Variants in IL1RAPL2 observed in about 807,000 individuals in gnomAD.
The protein encoded by IL1RAPL2 is interleukin 1 receptor accessory protein like 2.
IL1RAPL2 carries 3 observed loss-of-function variants against 44.1 expected under a neutral mutation model. That is an observed-to-expected ratio of 0.07 (90% CI 0.03 to 0.18). IL1RAPL2 has a LOEUF of 0.18. IL1RAPL2 is among the 10% of genes least tolerant of loss of function. IL1RAPL2 has a pLI of 1.00. For synonymous variants in IL1RAPL2, 181 were observed against 178.8 expected (o/e 1.01, Z -0.10); for missense variants, 391 against 496.4 (o/e 0.79, Z 2.02).
At chrX:104,949,912 A>T (rs1378753516) in intron 2 of IL1RAPL2, among the ~76,000 whole-genome samples, 2 of 110,296 alleles carry the variant, frequency 1.8e-5, no homozygotes, top group African/African-American at 6.6e-5. Context: ...TGGGGTGGAG[A>T]GTTCTGTAGA....
chrX:104,964,277 G>C (rs903166695), intron 2 of IL1RAPL2, among the ~76,000 whole-genome samples: 12 of 91,567 alleles, frequency 1.3e-4, no homozygotes, highest in Non-Finnish European at 2.4e-4. Flanking sequence ...CATTGTGCCA[G>C]GGATTTATTT....
chrX:104,822,562 T>C (rs1197743482), intron 2 of IL1RAPL2, among the ~76,000 whole-genome samples: 2 of 111,960 alleles, frequency 1.8e-5, no homozygotes, highest in East Asian at 2.8e-4. Context: ...TGGTTGTAGA[T>C]GTGTGGTGTT....
chrX:105,083,378 T>C (rs991941539), intron 2 of IL1RAPL2, among the ~76,000 whole-genome samples: 1 of 111,760 alleles, frequency 8.9e-6, no homozygotes, highest in African/African-American at 3.3e-5. Flanking sequence ...GAAAACACTC[T>C]TCAGGATATT....
At chrX:104,962,857 G>A (rs997899535) in intron 2 of IL1RAPL2, among the ~76,000 whole-genome samples, 6 of 112,143 alleles carry the variant, frequency 5.4e-5, no homozygotes, top group African/African-American at 1.9e-4. Context: ...TTTGGACAAT[G>A]AGGCTGATGC....
chrX:105,707,279 T>G (rs912253671), intron 6 of IL1RAPL2, among the ~76,000 whole-genome samples: 1 of 111,869 alleles, frequency 8.9e-6, no homozygotes. Context: ...AACTTGAACT[T>G]CAAGGCCATT....
chrX:105,630,160 G>C (rs766071887), intron 6 of IL1RAPL2, among the ~76,000 whole-genome samples: 1 of 111,517 alleles, frequency 9.0e-6, no homozygotes, highest in African/African-American at 3.3e-5. Flanking sequence ...ATTTTGGGAA[G>C]CTATTCAGTT....
chrX:105,477,687 G>T (rs1325905543), intron 5 of IL1RAPL2, among the ~76,000 whole-genome samples: 1 of 111,824 alleles, frequency 8.9e-6, no homozygotes, highest in Non-Finnish European at 1.9e-5. Flanking sequence ...CCTCCATTTT[G>T]TCTTCTCACA....
intron 2 of IL1RAPL2, among the ~76,000 whole-genome samples, chrX:104,692,806 C>T (rs768917422): frequency 6.4e-4 from 72 of 111,630 alleles, no homozygotes; most frequent in East Asian, 5.6e-4. Flanking sequence ...TATAAACATA[C>T]GTGTGCATGT....
chrX:104,596,458 G>T (rs1378568493), intron 1 of IL1RAPL2, among the ~76,000 whole-genome samples: 2 of 111,809 alleles, frequency 1.8e-5, no homozygotes, highest in Non-Finnish European at 3.8e-5. Context: ...CTAGTACAGA[G>T]ACTAGTGAGG....
At chrX:105,186,804 C>T (rs1029990263) in intron 2 of IL1RAPL2, among the ~76,000 whole-genome samples, 2 of 111,913 alleles carry the variant, frequency 1.8e-5, no homozygotes, top group Non-Finnish European at 3.8e-5. Flanking sequence ...TAACTAATTA[C>T]CAGAGAAATC....
At chrX:105,445,326 A>T (rs768835498) in intron 5 of IL1RAPL2, among the ~76,000 whole-genome samples, 13 of 111,154 alleles carry the variant, frequency 1.2e-4, no homozygotes, top group Middle Eastern at 4.6e-3. Flanking sequence ...ACAAAAAAAC[A>T]AATTTTTGTT....
intron 2 of IL1RAPL2, among the ~76,000 whole-genome samples, chrX:104,886,087 C>T (rs1051402196): frequency 6.2e-5 from 7 of 113,133 alleles, no homozygotes; most frequent in African/African-American, 1.6e-4. Flanking sequence ...AGATGACTGT[C>T]CTCAAGGTCT....
chrX:104,619,980 G>A (rs1315127229), intron 1 of IL1RAPL2, among the ~76,000 whole-genome samples: 1 of 111,126 alleles, frequency 9.0e-6, no homozygotes, highest in Non-Finnish European at 1.9e-5. Context: ...GGAAGTACTA[G>A]CATTCTAGGG....
intron 2 of IL1RAPL2, among the ~76,000 whole-genome samples, chrX:104,749,816 A>G (rs1932229061): frequency 8.9e-6 from 1 of 111,984 alleles, no homozygotes; most frequent in Non-Finnish European, 1.9e-5. Context: ...GATTAAGACA[A>G]TTGAGAAATG....
chrX:105,608,293 A>G (rs1414842509), intron 6 of IL1RAPL2, among the ~76,000 whole-genome samples: 1 of 111,660 alleles, frequency 9.0e-6, no homozygotes, highest in East Asian at 2.8e-4. Context: ...GGCTCTTTTA[A>G]GTAATCAAGC....
chrX:105,670,514 T>G (rs1401710798), intron 6 of IL1RAPL2, among the ~76,000 whole-genome samples: 1 of 105,957 alleles, frequency 9.4e-6, no homozygotes, highest in Non-Finnish European at 1.9e-5. Flanking sequence ...TTAGCCAGGA[T>G]GGTCTCGATC....
At chrX:104,911,073 C>T (rs747341307) in intron 2 of IL1RAPL2, among the ~76,000 whole-genome samples, 1 of 111,545 alleles carries the variant, frequency 9.0e-6, no homozygotes, top group African/African-American at 3.2e-5. Flanking sequence ...TATAATTGAT[C>T]AACATTATCT....
intron 4 of IL1RAPL2, among the ~76,000 whole-genome samples, chrX:105,258,173 C>G (rs2034329912): frequency 9.0e-6 from 1 of 111,593 alleles, no homozygotes; most frequent in East Asian, 2.8e-4. Flanking sequence ...GATCTTATTT[C>G]TCCTTCATTT....
At chrX:105,655,071 A>G (rs925487898) in intron 6 of IL1RAPL2, among the ~76,000 whole-genome samples, 3 of 112,617 alleles carry the variant, frequency 2.7e-5, no homozygotes, top group African/African-American at 6.4e-5. Context: ...AGATTCTTCA[A>G]TATGGCCATG....
Sources: allele counts gnomAD v4.1 joint callset (sites outside exome capture counted in the v4.1 genomes callset), GRCh38; gene constraint gnomAD v4.1.1; transcripts MANE v1.5; gene names NCBI Gene and HGNC (gene_info 2026-07-23, HGNC 2026-07-21).